The following PPP2R2B variants were observed in gnomAD, a reference collection of about 807,000 sequenced individuals.
PPP2R2B encodes serine/threonine-protein phosphatase 2A 55 kDa regulatory subunit B beta isoform.
Under a neutral mutation model 46.0 loss-of-function variants are expected in PPP2R2B, and 5 were observed. The ratio of observed to expected loss-of-function variants is 0.11; its 90% confidence interval spans 0.06 to 0.23. The LOEUF (loss-of-function observed/expected upper bound fraction) is 0.23, where lower values mean the gene tolerates loss of function less well. Among genes scored for constraint, PPP2R2B ranks in the 10% least tolerant of loss-of-function variants. The probability of loss-of-function intolerance (pLI) is 1.00; values close to 1 mark genes in which losing one functional copy is unlikely to be tolerated. For synonymous variants in PPP2R2B, 215 were observed against 206.7 expected (o/e 1.04, Z -0.34); for missense variants, 367 against 575.0 (o/e 0.64, Z 3.70).
chr5:146,730,292 T>C (rs1752149228), intron 2 of PPP2R2B, among the ~76,000 whole-genome samples: 1 of 152,214 alleles, frequency 6.6e-6, no homozygotes, highest in South Asian at 2.1e-4. Flanking sequence ...CCATTGTATC[T>C]AGGAAGTAAC....
At chr5:146,795,964 G>T (rs1011814236) in intron 2 of PPP2R2B, among the ~76,000 whole-genome samples, 2 of 151,934 alleles carry the variant, frequency 1.3e-5, no homozygotes, top group African/African-American at 4.8e-5. Context: ...TGCTCAACTG[G>T]GTATAAACAT....
intron 1 of PPP2R2B, among the ~76,000 whole-genome samples, chr5:146,889,046 G>A (rs1234350658): frequency 6.6e-6 from 1 of 152,140 alleles, no homozygotes; most frequent in African/African-American, 2.4e-5. Flanking sequence ...TTTGTTCTCT[G>A]CTTTATATGC....
In PPP2R2B at chr5:146,725,802, T is replaced by C. The variant is rs111976184; in HGVS notation, c.71-24660A>G. On this transcript the variant is annotated intron_variant, in intron 2 of 9. Coordinates refer to ENST00000394411, the MANE Select transcript of PPP2R2B (RefSeq NM_181675.4). ...TTCCTGACATAGAATTTATCACATG[T>C]ACTTACTATCCACTATGTCCATCTT... 1.9e-3 allele frequency among the ~76,000 whole-genome samples: 285 copies of C among 152,352 alleles called. 1 individual carries two copies. Among genetic ancestry groups the C allele is most frequent in the African/African-American group, 6.7e-3 (277 of 41,588 alleles).
chr5:146,650,441 G>T (rs764710779), intron 6 of PPP2R2B, 106 bp downstream of exon 6: 5 of 1,039,880 alleles, frequency 4.8e-6, no homozygotes, highest in Non-Finnish European at 5.5e-6. Flanking sequence ...CAAGTTCTCC[G>T]CAAATGCTAG....
intron 2 of PPP2R2B, among the ~76,000 whole-genome samples, chr5:146,815,582 A>T (rs1004251344): frequency 6.6e-6 from 1 of 152,218 alleles, no homozygotes. Flanking sequence ...CTTGTGGCTA[A>T]TTGAGGAGTG....
chr5:147,079,743 C>T (rs1757918491), intron 2 of PPP2R2B, among the ~76,000 whole-genome samples: 2 of 151,826 alleles, frequency 1.3e-5, no homozygotes, highest in Non-Finnish European at 2.9e-5. Context: ...AGTCATAGAT[C>T]TGAGGAATAA....
At chr5:146,804,623 C>T in intron 2 of PPP2R2B, among the ~76,000 whole-genome samples, 1 of 152,202 alleles carries the variant, frequency 6.6e-6, no homozygotes, top group East Asian at 1.9e-4. Context: ...AAATCAGAAT[C>T]TGTTTAGAAG....
At chr5:147,063,025 G>A (rs1424405752) in intron 2 of PPP2R2B, among the ~76,000 whole-genome samples, 2 of 145,058 alleles carry the variant, frequency 1.4e-5, no homozygotes, top group Admixed American at 7.0e-5. Flanking sequence ...GGGGAAGAGA[G>A]GAAGGAGAAA....
intron 2 of PPP2R2B, among the ~76,000 whole-genome samples, chr5:146,793,669 C>T (rs1363444015): frequency 1.3e-5 from 2 of 152,180 alleles, no homozygotes; most frequent in African/African-American, 4.8e-5. Flanking sequence ...CAGTCTGACT[C>T]TAGAGTCTGT....
At chr5:146,840,585 C>A (rs543372397) in intron 2 of PPP2R2B, among the ~76,000 whole-genome samples, 2 of 152,230 alleles carry the variant, frequency 1.3e-5, no homozygotes, top group South Asian at 4.1e-4. Flanking sequence ...CCTAAAATAC[C>A]CAAAGGGGTT....
chr5:146,691,049 T>C, intron 5 of PPP2R2B, 79 bp downstream of exon 5: 1 of 1,257,822 alleles, frequency 8.0e-7, no homozygotes, highest in Non-Finnish European at 1.1e-6. Context: ...AGTTGCAACC[T>C]ACAGTAACAA....
intron 7 of PPP2R2B, among the ~76,000 whole-genome samples, chr5:146,632,066 C>T (rs867482948): frequency 6.5e-5 from 8 of 123,868 alleles, no homozygotes; most frequent in South Asian, 6.5e-4. Flanking sequence ...GTTGTGCCCC[C>T]CCCCCCGCCC....
chr5:146,654,757 C>T (rs1315765086), intron 5 of PPP2R2B, among the ~76,000 whole-genome samples: 1 of 152,168 alleles, frequency 6.6e-6, no homozygotes, highest in Admixed American at 6.5e-5. Context: ...AGGTTAAGCA[C>T]CTTGTCCATG....
At chr5:146,861,746 A>G (rs951283276) in intron 2 of PPP2R2B, among the ~76,000 whole-genome samples, 4 of 152,162 alleles carry the variant, frequency 2.6e-5, no homozygotes, top group African/African-American at 7.2e-5. Context: ...CCATTTTTCC[A>G]TGGAATTCTT....
intron 1 of PPP2R2B, among the ~76,000 whole-genome samples, chr5:146,983,212 G>T (rs1420578239): frequency 2.9e-5 from 3 of 101,906 alleles, no homozygotes; most frequent in African/African-American, 3.9e-5. Flanking sequence ...ACGGAGTCTT[G>T]CTCTGTCCCC....
intron 2 of PPP2R2B, among the ~76,000 whole-genome samples, chr5:146,874,134 G>A (rs1356800168): frequency 5.9e-5 from 9 of 152,174 alleles, no homozygotes; most frequent in Non-Finnish European, 1.0e-4. Context: ...AAGGCATCTT[G>A]TGCCTTTCCT....
rs560693056 is a variant in PPP2R2B at position 147,040,032 on chromosome 5, C to T, written c.79+15633G>A. On this transcript the variant is annotated intron_variant, in intron 1 of 8. Transcript: ENST00000336640. ...TACGTATCTTATTTCATTTGTTGAC[C>T]CTGTTAAGTGGCAAGCTTTGAGAGC... 6.2e-4 allele frequency among the ~76,000 whole-genome samples: 94 copies of T among 152,166 alleles called. 1 individual carries two copies. The highest frequency in any genetic ancestry group is 2.3e-3 in the African/African-American group (94 of 41,524).
chr5:146,930,729 TG>T (rs900622024), intron 1 of PPP2R2B, among the ~76,000 whole-genome samples: 2 of 152,250 alleles, frequency 1.3e-5, no homozygotes, highest in Admixed American at 1.3e-4. Context: ...ATTGACATTG[TG>T]GTTTCTCTTG....
chr5:147,059,500 G>T (rs1757195012), upstream of PPP2R2B, among the ~76,000 whole-genome samples: 1 of 152,126 alleles, frequency 6.6e-6, no homozygotes, highest in South Asian at 2.1e-4. Context: ...GAGAAGGGAG[G>T]ATCTAAAGCA....
Sources: allele counts gnomAD v4.1 joint callset (sites outside exome capture counted in the v4.1 genomes callset), GRCh38; gene constraint gnomAD v4.1.1; transcripts MANE v1.5; gene names NCBI Gene and HGNC (gene_info 2026-07-23, HGNC 2026-07-21).